DNAH8: variants seen among roughly 807,000 people sequenced by gnomAD.
DNAH8 encodes axonemal beta dynein heavy chain 8.
DNAH8 carries 382 observed loss-of-function variants against 562.1 expected under a neutral mutation model. The observed-to-expected ratio is 0.68, with a 90% CI of 0.63 to 0.74. The LOEUF (loss-of-function observed/expected upper bound fraction) is 0.74. Ranked by LOEUF, DNAH8 falls within the 30% of genes least tolerant of loss-of-function variation. The pLI, the probability that DNAH8 is intolerant of heterozygous loss-of-function variation, is 0.00. For missense variants in DNAH8, 5,203 were observed against 5,620.4 expected (o/e 0.93, Z 2.37); for synonymous variants, 1,881 against 1,919.4 (o/e 0.98, Z 0.52).
intron 92 of DNAH8, among the ~76,000 whole-genome samples, chr6:39,029,594 C>T (rs917142103): frequency 8.5e-5 from 13 of 152,210 alleles, no homozygotes; most frequent in Non-Finnish European, 1.8e-4. Context: ...ATTCCCCTGG[C>T]TCTACCATGC....
In DNAH8 at chr6:38,942,142, G is replaced by A. The variant is rs534942415; in HGVS notation, c.12007+3154G>A. Among the ~76,000 whole-genome samples the A allele has an allele frequency of 3.3e-5, 5 of 152,288 alleles. No individual in the cohort carries two copies. In the South Asian group the frequency reaches 1.0e-3, roughly 32 times the overall value. On this transcript the variant is annotated intron_variant, in intron 79 of 92. Coordinates refer to ENST00000327475, the MANE Select transcript of DNAH8 (RefSeq NM_001206927.2). ...GACTCCCCAGCCTCCAGAGCTGTGA[G>A]AAATAAAAATTTCTGTTGTTTCTAA... is the stretch of plus-strand genomic sequence containing the variant.
chr6:38,748,644 T>C (rs893440383), intron 8 of DNAH8, among the ~76,000 whole-genome samples: 1 of 151,736 alleles, frequency 6.6e-6, no homozygotes, highest in Non-Finnish European at 1.5e-5. Context: ...ATCCCAGCAC[T>C]TTGCGAGGCT....
At chr6:38,716,210 C>G (rs1271229089) in intron 1 of DNAH8, among the ~76,000 whole-genome samples, 1 of 151,318 alleles carries the variant, frequency 6.6e-6, no homozygotes, top group Non-Finnish European at 1.5e-5. Flanking sequence ...ATCCGCCCAC[C>G]TCGGCCTCCC....
rs1375612019 is a variant in DNAH8, at chr6:38,827,730, AAACTTTTTTTT to A, written c.4084-453_4084-443del. 2.2e-4 allele frequency among the ~76,000 whole-genome samples: 10 copies of A among 45,640 alleles called. 3 individuals are homozygous for A. The highest frequency in any genetic ancestry group is 1.1e-3 in the Admixed American group (4 of 3,750). The allele number at this position is 45,640 out of a possible 152,430, so 29.9% of individuals were successfully genotyped here. On this transcript the variant is annotated intron_variant, in intron 29 of 92. Coordinates refer to ENST00000327475, the MANE Select transcript of DNAH8 (RefSeq NM_001206927.2). ...GACTGCAAAAGCTTAATTCTTTACC[AAACTTTTTTTT>A]TTTTTTTTTTTTTTTTTTTTTTTTT...
chr6:38,908,261 A>G (rs1160975279), intron 64 of DNAH8, 141 bp downstream of exon 64: 5 of 480,432 alleles, frequency 1.0e-5, no homozygotes, highest in South Asian at 5.2e-5. Flanking sequence ...GTACCACACA[A>G]TCTCCATTGA....
At chr6:38,777,663 C>A (rs1768199826) in intron 13 of DNAH8, among the ~76,000 whole-genome samples, 1 of 152,052 alleles carries the variant, frequency 6.6e-6, no homozygotes, top group Admixed American at 6.6e-5. Context: ...GAACTGCTGT[C>A]CTCAAGCTAT....
intron 59 of DNAH8, among the ~76,000 whole-genome samples, chr6:38,895,696 T>C (rs1255619398): frequency 6.6e-6 from 1 of 152,232 alleles, no homozygotes; most frequent in Non-Finnish European, 1.5e-5. Flanking sequence ...CCCTCTGTTA[T>C]ATTGTCAATC....
intron 88 of DNAH8, among the ~76,000 whole-genome samples, chr6:39,002,528 G>C (rs1057127799): frequency 6.6e-6 from 1 of 152,112 alleles, no homozygotes; most frequent in Admixed American, 6.5e-5. Context: ...GTCGGAATGG[G>C]TCTCAAATGC....
At chr6:38,943,257 T>C (rs1278277154) in intron 79 of DNAH8, among the ~76,000 whole-genome samples, 3 of 152,256 alleles carry the variant, frequency 2.0e-5, no homozygotes, top group African/African-American at 7.2e-5. Context: ...TTTTTCTTTT[T>C]AAACAAAACA....
chr6:38,947,904 C>T (rs1348868352), intron 80 of DNAH8, among the ~76,000 whole-genome samples: 6 of 152,088 alleles, frequency 3.9e-5, no homozygotes, highest in African/African-American at 9.7e-5. Context: ...CACGCTGCCA[C>T]GCCCAGCTAA....
Position 38,737,832 on chromosome 6 carries a change from A to C in DNAH8, c.976A>C (p.Thr326Pro). 6.4e-7 allele frequency: 1 copy of C among 1,557,516 alleles called. No homozygotes were observed. Among genetic ancestry groups the C allele is most frequent in the Non-Finnish European group, 8.7e-7 (1 of 1,155,712 alleles). The change falls in exon 7 of 93, where the codon ACA (threonine) becomes CCA (proline). Residue 326 changes from threonine to proline, a missense_variant. Transcript: ENST00000327475. ...AGGTGCTAGAATAAGTATTGAGGGAACAGTGAAGTTAAAGACAATAGACAA... is the reference window on the plus strand; with the variant it reads ...AGGTGCTAGAATAAGTATTGAGGGACCAGTGAAGTTAAAGACAATAGACAA... Reference protein sequence around the residue: ...LDGARISIEGTVKLKTIDNVN... With the variant: ...LDGARISIEGPVKLKTIDNVN...
At chr6:38,915,168 T>C in intron 67 of DNAH8, 33 bp from the exon 68 acceptor site, 1 of 1,561,120 alleles carries the variant, frequency 6.4e-7, no homozygotes, top group Non-Finnish European at 8.6e-7. Context: ...GAAAGGTTTC[T>C]ATTGGCTTTC....
chr6:38,887,087 C>A, intron 57 of DNAH8, 83 bp downstream of exon 57: 1 of 1,026,630 alleles, frequency 9.7e-7, no homozygotes, highest in Non-Finnish European at 1.5e-6. Flanking sequence ...GACAAAAAGG[C>A]TCTGTCTAAA....
chr6:38,757,354 T>C (rs1766019164), intron 10 of DNAH8, among the ~76,000 whole-genome samples: 1 of 151,962 alleles, frequency 6.6e-6, no homozygotes, highest in Middle Eastern at 3.2e-3. Context: ...CTTTGCCCAC[T>C]TTTTGATGGG....
At chr6:38,946,737 G>A (rs1394681844) in intron 80 of DNAH8, among the ~76,000 whole-genome samples, 1 of 152,120 alleles carries the variant, frequency 6.6e-6, no homozygotes, top group Admixed American at 6.5e-5. Context: ...TTAAAACTGG[G>A]AAGCGGGGGT....
At chr6:38,724,453 C>A (rs1246293767) in intron 3 of DNAH8, among the ~76,000 whole-genome samples, 1 of 152,110 alleles carries the variant, frequency 6.6e-6, no homozygotes, top group Non-Finnish European at 1.5e-5. Flanking sequence ...ACTACATATG[C>A]AAATCACTTG....
At chr6:38,882,307 A>G (rs1398854155) in intron 53 of DNAH8, among the ~76,000 whole-genome samples, 2 of 152,210 alleles carry the variant, frequency 1.3e-5, no homozygotes, top group Non-Finnish European at 2.9e-5. Flanking sequence ...ACATGGAATC[A>G]ACTTACATGC....
intron 82 of DNAH8, among the ~76,000 whole-genome samples, chr6:38,963,094 A>G (rs950204216): frequency 3.9e-5 from 6 of 152,050 alleles, no homozygotes; most frequent in Admixed American, 3.3e-4. Flanking sequence ...CATGCAACCA[A>G]ACACAACCTG....
intron 92 of DNAH8, among the ~76,000 whole-genome samples, chr6:39,027,850 A>T (rs1000711349): frequency 3.3e-5 from 5 of 152,128 alleles, no homozygotes; most frequent in Non-Finnish European, 7.3e-5. Context: ...ATAAAATTTT[A>T]AAAAAGGTAG....
Sources: allele counts gnomAD v4.1 joint callset (sites outside exome capture counted in the v4.1 genomes callset), GRCh38; gene constraint gnomAD v4.1.1; transcripts MANE v1.5; gene names NCBI Gene and HGNC (gene_info 2026-07-23, HGNC 2026-07-21).